The following PCDH15 variants were observed in gnomAD, a reference collection of about 807,000 sequenced individuals.
PCDH15 encodes protocadherin related 15.
In PCDH15, 129 loss-of-function variants were observed where a neutral mutation model predicts 178.5. The ratio of observed to expected loss-of-function variants is 0.72; its 90% CI spans 0.63 to 0.84. The LOEUF is 0.84. Among genes scored for constraint, PCDH15 ranks in the 40% least tolerant of loss-of-function variants. The pLI is 0.00. For missense variants in PCDH15, 2,230 were observed against 2,099.9 expected (o/e 1.06, Z -1.21); for synonymous variants, 800 against 732.0 (o/e 1.09, Z -1.50).
chr10:54,388,566 T>C (rs1335749493), intron 3 of PCDH15, among the ~76,000 whole-genome samples: 1 of 152,202 alleles, frequency 6.6e-6, no homozygotes, highest in African/African-American at 2.4e-5. Context: ...CATCTTCTAC[T>C]AGCCGTTATC....
At chr10:54,459,942 C>T (rs186089984) in intron 3 of PCDH15, among the ~76,000 whole-genome samples, 2 of 152,184 alleles carry the variant, frequency 1.3e-5, no homozygotes, top group Admixed American at 1.3e-4. Flanking sequence ...TTGTTGACTA[C>T]TTGACTTAGC....
At chr10:53,929,819 A>G (rs1303429984) in intron 25 of PCDH15, among the ~76,000 whole-genome samples, 1 of 152,222 alleles carries the variant, frequency 6.6e-6, no homozygotes, top group Non-Finnish European at 1.5e-5. Flanking sequence ...ACACAATGAC[A>G]TATTTATAGA....
intron 25 of PCDH15, among the ~76,000 whole-genome samples, chr10:53,921,237 C>T (rs2083970488): frequency 6.6e-6 from 1 of 152,124 alleles, no homozygotes; most frequent in South Asian, 2.1e-4. Flanking sequence ...CAGCTACTTA[C>T]ATTTTTGAGC....
chr10:55,484,111 G>A (rs2132121284), intron 2 of PCDH15, among the ~76,000 whole-genome samples: 1 of 151,774 alleles, frequency 6.6e-6, no homozygotes, highest in African/African-American at 2.4e-5. Flanking sequence ...GACACTGAGA[G>A]GGGAACAACA....
chr10:55,361,907 G>C (rs916801894), intron 2 of PCDH15, among the ~76,000 whole-genome samples: 2 of 152,006 alleles, frequency 1.3e-5, no homozygotes, highest in Non-Finnish European at 2.9e-5. Flanking sequence ...TGAAGTGAAG[G>C]GGGGCTAAAT....
intron 18 of PCDH15, among the ~76,000 whole-genome samples, chr10:54,041,849 T>C (rs1309557942): frequency 2.0e-5 from 3 of 152,090 alleles, no homozygotes; most frequent in Non-Finnish European, 4.4e-5. Context: ...ATTACTTGTA[T>C]TAAATAAAAG....
At chr10:55,374,546 T>A (rs1398352179) in intron 2 of PCDH15, among the ~76,000 whole-genome samples, 2 of 151,992 alleles carry the variant, frequency 1.3e-5, no homozygotes, top group Non-Finnish European at 2.9e-5. Flanking sequence ...TAGCTTCCCA[T>A]GACATACTCA....
At chr10:55,016,531 ATT>A (rs961576338) in intron 2 of PCDH15, among the ~76,000 whole-genome samples, 3 of 152,122 alleles carry the variant, frequency 2.0e-5, no homozygotes, top group Non-Finnish European at 4.4e-5. Context: ...TGCCTGGCTT[ATT>A]TCACTTAACC....
At chr10:55,547,355 C>T (rs148296380) in intron 2 of PCDH15, among the ~76,000 whole-genome samples, 1,615 of 152,102 alleles carry the variant, frequency 0.011, 16 homozygotes, top group Non-Finnish European at 0.016. Flanking sequence ...GCTGTGAGGA[C>T]CCAAGAAAGG....
At chr10:54,347,453 A>G (rs959869586) in intron 5 of PCDH15, among the ~76,000 whole-genome samples, 1 of 152,148 alleles carries the variant, frequency 6.6e-6, no homozygotes, top group Admixed American at 6.5e-5. Flanking sequence ...ATCAATAAAC[A>G]TAAGCTCTGT....
intron 2 of PCDH15, among the ~76,000 whole-genome samples, chr10:54,945,372 G>T (rs893536751): frequency 1.3e-5 from 2 of 150,632 alleles, no homozygotes; most frequent in East Asian, 1.9e-4. Context: ...TATATAGATA[G>T]ATAGATAGAT....
chr10:55,257,732 C>A (rs1842037532), intron 1 of PCDH15, among the ~76,000 whole-genome samples: 3 of 151,792 alleles, frequency 2.0e-5, no homozygotes, highest in South Asian at 2.1e-4. Flanking sequence ...GTGAAAAGAC[C>A]AAATCTACAT....
intron 2 of PCDH15, among the ~76,000 whole-genome samples, chr10:55,489,278 CT>C (rs1442741961): frequency 1.3e-5 from 2 of 151,494 alleles, no homozygotes; most frequent in African/African-American, 4.8e-5. Context: ...AGTTTTATTT[CT>C]GCCAATAGTA....
intron 1 of PCDH15, among the ~76,000 whole-genome samples, chr10:55,243,614 A>C (rs2132215171): frequency 6.6e-6 from 1 of 152,362 alleles, no homozygotes; most frequent in South Asian, 2.1e-4. Flanking sequence ...CAGTGCATTT[A>C]AAGCCATATT....
intron 18 of PCDH15, among the ~76,000 whole-genome samples, chr10:54,048,474 A>C (rs2135587736): frequency 6.6e-6 from 1 of 152,220 alleles, no homozygotes; most frequent in East Asian, 1.9e-4. Flanking sequence ...CTTCTTTGCC[A>C]AGGCTGATGT....
rs140568252 is a variant in PCDH15, at chr10:54,718,006, C to T, written c.-28-53716G>A. Among the ~76,000 whole-genome samples the T allele has an allele frequency of 2.0e-4, 29 of 148,572 alleles. 1 individual carries two copies. The highest frequency in any genetic ancestry group is 3.0e-4 in the Non-Finnish European group (20 of 67,234). On this transcript the variant is annotated intron_variant, in intron 1 of 37. Transcript: ENST00000644397. ...AATCATCATTCTCAGTAAAATATCA[C>T]AAGGACAAAAAACCAAACACCGCAC... is the stretch of plus-strand genomic sequence containing the variant.
chr10:55,224,270 A>G (rs1840965144), intron 1 of PCDH15, among the ~76,000 whole-genome samples: 1 of 152,136 alleles, frequency 6.6e-6, no homozygotes, highest in African/African-American at 2.4e-5. Context: ...TCTATTTTTT[A>G]CTTCCTGTAT....
chr10:55,040,645 T>A (rs1840844310), intron 2 of PCDH15, among the ~76,000 whole-genome samples: 1 of 152,162 alleles, frequency 6.6e-6, no homozygotes, highest in Admixed American at 6.5e-5. Flanking sequence ...TTTAAACATA[T>A]GCATGGACAC....
chr10:54,677,201 G>T lies in PCDH15; in HGVS notation c.-28-12911C>A, dbSNP rs200031463. Among the ~76,000 whole-genome samples, 11 of 152,138 alleles carry T rather than the reference G, an allele frequency of 7.2e-5. No individual in the cohort carries two copies. The East Asian group carries it at 2.1e-3, about 29-fold the overall frequency. On this transcript the variant is annotated intron_variant, in intron 1 of 37. Transcript: ENST00000644397. The stretch of plus-strand genomic sequence containing the variant: ...AGCCTGGGCAAAGTAGCAAGACCCA[G>T]TCTCTGCAGAATAGACAAAATAAAA...
Sources: gnomAD v4.1 joint callset for allele counts (sites outside exome capture counted in the v4.1 genomes callset) on GRCh38, gnomAD v4.1.1 for gene constraint, MANE v1.5 for transcripts, NCBI Gene and HGNC (gene_info 2026-07-23, HGNC 2026-07-21) for gene names.